SENP7: variants seen among roughly 807,000 people sequenced by gnomAD.
SENP7 encodes sentrin-specific protease 7.
A neutral mutation model predicts 141.2 loss-of-function variants in SENP7; 64 were observed. The observed-to-expected ratio is 0.45, with a 90% confidence interval of 0.37 to 0.56. The LOEUF (loss-of-function observed/expected upper bound fraction) is 0.56, where lower values mean the gene tolerates loss of function less well. SENP7 is among the 20% of genes least tolerant of loss of function. The pLI is 0.00. For synonymous variants in SENP7, 382 were observed against 426.4 expected (o/e 0.90, Z 1.28); for missense variants, 1,025 against 1,212.2 (o/e 0.85, Z 2.29).
intron 4 of SENP7, among the ~76,000 whole-genome samples, chr3:101,419,525 G>A (rs1412997876): frequency 6.6e-6 from 1 of 152,192 alleles, no homozygotes; most frequent in Non-Finnish European, 1.5e-5. Flanking sequence ...CCAGAATACA[G>A]TGGGATCAGC....
chr3:101,433,521 A>G (rs1046977148), intron 4 of SENP7, among the ~76,000 whole-genome samples: 1 of 152,170 alleles, frequency 6.6e-6, no homozygotes, highest in Non-Finnish European at 1.5e-5. Flanking sequence ...TGCCTAAAAG[A>G]AACACACTTC....
chr3:101,422,404 A>G (rs945156309), intron 4 of SENP7, among the ~76,000 whole-genome samples: 9 of 152,216 alleles, frequency 5.9e-5, no homozygotes, highest in African/African-American at 2.2e-4. Flanking sequence ...GTGGTGGTTA[A>G]AATCTACCTT....
Position 101,341,785 on chromosome 3 carries a change from A to AG in SENP7, c.2107-7dup. The AG allele has an allele frequency of 1.9e-6, 3 of 1,579,274 alleles. 1 individual carries two copies. In the South Asian group the frequency reaches 3.4e-5, roughly 18 times the overall value. ...GCCGCATCTGTGTTTGAGGGCTGAC[A>AG]GAAAGTGGCAAGAAAAAGGGTCTCA... On this transcript the variant is annotated splice_polypyrimidine_tract_variant and splice_region_variant and intron_variant, in intron 14 of 23. Coordinates refer to ENST00000394095, the MANE Select transcript of SENP7 (RefSeq NM_020654.5).
Position 101,325,154 on chromosome 3 carries a change from G to A in SENP7, c.*789C>T, listed in dbSNP as rs1044827206. 6.6e-6 allele frequency: 1 copy of A among 151,984 alleles called. No homozygotes were observed. Among genetic ancestry groups the A allele is most frequent in the Non-Finnish European group, 1.5e-5 (1 of 67,968 alleles). 9.4% of individuals were successfully genotyped at this position (151,984 alleles called of 1,614,324 possible). On this transcript the variant is annotated 3_prime_UTR_variant, in exon 24 of 24. Transcript: ENST00000394095. ...ACATAAATTCCGTGATAATGTGAGTGAATATTTATATAGCAGTACCTCAAG... is the reference window on the plus strand; with the variant it reads ...ACATAAATTCCGTGATAATGTGAGTAAATATTTATATAGCAGTACCTCAAG...
intron 4 of SENP7, among the ~76,000 whole-genome samples, chr3:101,451,224 G>A (rs4264711): frequency 0.4 from 60,311 of 151,930 alleles, 12,484 homozygotes; most frequent in Admixed American, 0.54. Context: ...GCAATAATTA[G>A]TAGCTTACCA....
intron 11 of SENP7, among the ~76,000 whole-genome samples, chr3:101,361,219 C>A (rs34501037): frequency 0.4 from 58,923 of 145,594 alleles, 12,077 homozygotes; most frequent in Admixed American, 0.54. Context: ...TCCGCCCCCC[C>A]AAAAAAAAAA....
At chr3:101,448,221 G>T (rs2062969926) in intron 4 of SENP7, among the ~76,000 whole-genome samples, 1 of 151,966 alleles carries the variant, frequency 6.6e-6, no homozygotes. Flanking sequence ...AAAGCACAGA[G>T]ACTAAAGAAA....
intron 5 of SENP7, among the ~76,000 whole-genome samples, chr3:101,401,083 C>G (rs903492892): frequency 7.7e-5 from 11 of 142,582 alleles, no homozygotes; most frequent in African/African-American, 2.6e-4. Flanking sequence ...GGAAAGAGAG[C>G]AAGTCCTTGT....
chr3:101,395,317 T>C (rs1174794843), intron 6 of SENP7, among the ~76,000 whole-genome samples: 1 of 152,218 alleles, frequency 6.6e-6, no homozygotes, highest in Non-Finnish European at 1.5e-5. Context: ...CTTGGGTTGA[T>C]TTTTTATATG....
rs1402752801 is a variant in SENP7 at position 101,410,910 on chromosome 3, A to T, written c.482+6683T>A. 1.6e-4 allele frequency among the ~76,000 whole-genome samples: 17 copies of T among 108,526 alleles called. No individual in the cohort carries two copies. The Admixed American group carries it at 1.9e-3, about 12-fold the overall frequency. 71.2% of individuals were successfully genotyped at this position (108,526 alleles called of 152,430 possible). ...TAAAAGAATTAGATATGGTATCTGT[A>T]GCAAAGTCCAATTCCTACTTTACTG... is the stretch of plus-strand genomic sequence containing the variant. On this transcript the variant is annotated intron_variant, in intron 5 of 23. Transcript: ENST00000394095.
rs146753779 is a variant in SENP7 at position 101,330,351 on chromosome 3, T to C, written c.2734A>G (p.Ser912Gly). The C allele has an allele frequency of 4.4e-5, 70 of 1,608,024 alleles. No individual in the cohort carries two copies. Among genetic ancestry groups the C allele is most frequent in the Non-Finnish European group, 5.2e-5 (61 of 1,175,018 alleles). The change falls in exon 20 of 24, where the codon AGT becomes GGT. Residue 912 changes from serine to glycine, a missense_variant. By Grantham distance (56) the Ser-to-Gly change is moderately conservative. Transcript: ENST00000394095. ...ACACTTACTTGGGAATCCTCTGCAC[T>C]CAAAGACAGTGTCGAAGTAGTACGT... ...DLRTTSTLSL[S>G]AEDSQSTESN...
intron 11 of SENP7, among the ~76,000 whole-genome samples, chr3:101,359,662 A>G (rs1198022058): frequency 6.6e-6 from 1 of 151,816 alleles, no homozygotes; most frequent in Non-Finnish European, 1.5e-5. Flanking sequence ...CAAAATAAGT[A>G]GAGGAATTAA....
At chr3:101,338,662 T>C (rs1451372097) in intron 16 of SENP7, among the ~76,000 whole-genome samples, 1 of 152,124 alleles carries the variant, frequency 6.6e-6, no homozygotes, top group East Asian at 1.9e-4. Flanking sequence ...ACACCGAATG[T>C]ATGTGAGGAA....
intron 6 of SENP7, among the ~76,000 whole-genome samples, chr3:101,384,384 T>C (rs966590950): frequency 1.3e-5 from 2 of 152,244 alleles, no homozygotes; most frequent in Non-Finnish European, 2.9e-5. Context: ...AAAGAAGAGC[T>C]GTGGCCCTTA....
At chr3:101,457,195 G>A in intron 4 of SENP7, 4 of 1,290,258 alleles carry the variant, frequency 3.1e-6, no homozygotes, top group Non-Finnish European at 4.5e-6. Flanking sequence ...TAAAATAGCA[G>A]CTCCCAGTAA....
At chr3:101,331,116 AT>A (rs58948241) in intron 19 of SENP7, among the ~76,000 whole-genome samples, 60,253 of 151,772 alleles carry the variant, frequency 0.4, 12,479 homozygotes, top group Admixed American at 0.54. Flanking sequence ...AACCTAGTGT[AT>A]TTTTTAAAAT....
At chr3:101,413,900 T>C (rs1397083942) in intron 5 of SENP7, among the ~76,000 whole-genome samples, 1 of 152,186 alleles carries the variant, frequency 6.6e-6, no homozygotes, top group Admixed American at 6.5e-5. Flanking sequence ...ATTAAGGGCC[T>C]TGTGTGCCAA....
intron 18 of SENP7, among the ~76,000 whole-genome samples, chr3:101,332,523 C>T (rs1398720000): frequency 6.6e-6 from 1 of 151,748 alleles, no homozygotes; most frequent in East Asian, 1.9e-4. Context: ...CATTCAATGT[C>T]TCAGTCATTA....
Position 101,341,628 on chromosome 3 carries a change from T to C in SENP7, c.2240+18A>G, listed in dbSNP as rs377135228. Reference sequence around the variant, plus strand: ...CTAATATGCCCATCTACTACAAACATGCTATGACAGTACATACTTCTGAAC... The same window carrying C: ...CTAATATGCCCATCTACTACAAACACGCTATGACAGTACATACTTCTGAAC... On this transcript the variant is annotated intron_variant, in intron 15 of 23. Coordinates refer to ENST00000394095, the MANE Select transcript of SENP7 (RefSeq NM_020654.5). The C allele has an allele frequency of 1.7e-5, 26 of 1,550,460 alleles. 1 individual carries two copies. The highest frequency in any genetic ancestry group is 2.0e-5 in the Non-Finnish European group (23 of 1,136,482).
Sources: gnomAD v4.1 joint callset for allele counts (sites outside exome capture counted in the v4.1 genomes callset) on GRCh38, gnomAD v4.1.1 for gene constraint, MANE v1.5 for transcripts, NCBI Gene and HGNC (gene_info 2026-07-23, HGNC 2026-07-21) for gene names.